The following FGF10 variants were observed in gnomAD, a reference collection of about 807,000 sequenced individuals.
FGF10 encodes FGF-10.
FGF10 carries 2 observed loss-of-function variants against 19.8 expected under a neutral mutation model. That is an observed-to-expected ratio of 0.10 (90% CI 0.04 to 0.32). The LOEUF (loss-of-function observed/expected upper bound fraction) is 0.32. Among genes scored for constraint, FGF10 ranks in the 10% least tolerant of loss-of-function variants. The pLI is 1.00. For synonymous variants in FGF10, 112 were observed against 94.0 expected, an observed-to-expected ratio of 1.19 and a Z score of -1.10; for missense variants, 191 against 246.3, an observed-to-expected ratio of 0.78 and a Z score of 1.50.
intron 1 of FGF10, among the ~76,000 whole-genome samples, chr5:44,363,824 C>G (rs1741545008): frequency 6.6e-6 from 1 of 151,886 alleles, no homozygotes; most frequent in Admixed American, 6.6e-5. Context: ...ATTTCATATA[C>G]ACTTTTGGTC....
chr5:44,381,873 A>C (rs1216821882), intron 1 of FGF10, among the ~76,000 whole-genome samples: 1 of 152,178 alleles, frequency 6.6e-6, no homozygotes, highest in East Asian at 1.9e-4. Flanking sequence ...TTGTGGTGCA[A>C]TTATTAGGTT....
intron 1 of FGF10, among the ~76,000 whole-genome samples, chr5:44,314,450 A>G (rs1471973024): frequency 6.6e-6 from 1 of 152,148 alleles, no homozygotes; most frequent in African/African-American, 2.4e-5. Context: ...TAAAAAATAA[A>G]GTTTGATAGT....
intron 1 of FGF10, among the ~76,000 whole-genome samples, chr5:44,346,990 A>G (rs1323268275): frequency 6.6e-6 from 1 of 151,856 alleles, no homozygotes; most frequent in Non-Finnish European, 1.5e-5. Context: ...ATGAATTAAT[A>G]TGCTTTTGAA....
At chr5:44,361,183 A>T (rs1441782818) in intron 1 of FGF10, among the ~76,000 whole-genome samples, 1 of 151,698 alleles carries the variant, frequency 6.6e-6, no homozygotes, top group Admixed American at 6.6e-5. Flanking sequence ...GAATGATGAC[A>T]ATCAGAGGGT....
At chr5:44,378,638 A>C (rs1243029567) in intron 1 of FGF10, among the ~76,000 whole-genome samples, 1 of 152,110 alleles carries the variant, frequency 6.6e-6, no homozygotes, top group African/African-American at 2.4e-5. Flanking sequence ...TCACCGTGTT[A>C]GCCAGGATGG....
At position 44,335,405 on chromosome 5, in the gene FGF10, G is replaced by A. The variant is rs557123388; in HGVS notation, c.326-24875C>T. Among the ~76,000 whole-genome samples the A allele has an allele frequency of 1.1e-4, 16 of 151,960 alleles. No individual in the cohort carries two copies. In the South Asian group the frequency reaches 3.1e-3, roughly 30 times the overall value. ...TTATAGCTAGTGTTCTACTTAGTATGTATCTTAGTATAAAACAAAAAACAT... is the reference window on the plus strand; with the variant it reads ...TTATAGCTAGTGTTCTACTTAGTATATATCTTAGTATAAAACAAAAAACAT... On this transcript the variant is annotated intron_variant, in intron 1 of 2. Coordinates refer to ENST00000264664, the MANE Select transcript of FGF10 (RefSeq NM_004465.2).
Position 44,388,565 on chromosome 5 carries a change from G to A in FGF10, c.118C>T (p.Leu40Phe), listed in dbSNP as rs146669375. ...TCTGGTGACACCATGTCCTGACCAA[G>A]GGCTTGGCAGGTGACAGGGACGGAA... is the stretch of plus-strand genomic sequence containing the variant. ...VSSVPVTCQA[L>F]GQDMVSPEAT... The change falls in exon 1 of 3, where the codon CTT becomes TTT. Residue 40 changes from leucine to phenylalanine, a missense_variant. Leu to Phe is a conservative substitution (Grantham distance 22). Transcript: ENST00000264664. 1.9e-6 allele frequency: 3 copies of A among 1,614,058 alleles called. No homozygotes were observed. Among genetic ancestry groups the A allele is most frequent in the African/African-American group, 1.3e-5 (1 of 74,922 alleles).
intron 1 of FGF10, among the ~76,000 whole-genome samples, chr5:44,364,273 G>A (rs994230247): frequency 6.6e-6 from 1 of 151,766 alleles, no homozygotes; most frequent in Admixed American, 6.6e-5. Flanking sequence ...GAGGTGACAG[G>A]CATTGTCATA....
At chr5:44,310,385 G>C (rs1264527047) in intron 2 of FGF10, 42 bp downstream of exon 2, 19 of 1,357,434 alleles carry the variant, frequency 1.4e-5, no homozygotes, top group Non-Finnish European at 1.9e-5. Flanking sequence ...CTATGGTAAT[G>C]GTTTACTGGA....
At chr5:44,313,447 G>A (rs991735100) in intron 1 of FGF10, among the ~76,000 whole-genome samples, 2 of 152,116 alleles carry the variant, frequency 1.3e-5, no homozygotes, top group South Asian at 4.1e-4. Context: ...AGTTCTATAT[G>A]TGTATATTTT....
intron 1 of FGF10, among the ~76,000 whole-genome samples, chr5:44,332,078 C>T (rs960037894): frequency 6.6e-6 from 1 of 152,080 alleles, no homozygotes; most frequent in African/African-American, 2.4e-5. Flanking sequence ...CAAGTATGAA[C>T]CCCAGTTTTC....
rs568491926 is a variant in FGF10, at chr5:44,345,628, C to T, written c.326-35098G>A. Among the ~76,000 whole-genome samples, 181 of 92,410 alleles carry T rather than the reference C, an allele frequency of 2.0e-3. 4 individuals are homozygous for T. The highest frequency in any genetic ancestry group is 5.2e-4 in the Non-Finnish European group (23 of 44,428). 60.6% of individuals were successfully genotyped at this position (92,410 alleles called of 152,430 possible). ...TTGTTTCACTGTTCATTCCCTTTCT[C>T]AGCTCAAAAAAAAAAAAAAAAAATC... On this transcript the variant is annotated intron_variant, in intron 1 of 2. Coordinates refer to ENST00000264664, the MANE Select transcript of FGF10 (RefSeq NM_004465.2).
chr5:44,303,789 C>G lies in FGF10; in HGVS notation c.*1206G>C, dbSNP rs1438779277. Reference sequence around the variant, plus strand: ...ATATATTTGATTTGCTCAGTTTAAGCCCCTGGGAGAGTTGCGCTTCATACC... The same window carrying G: ...ATATATTTGATTTGCTCAGTTTAAGGCCCTGGGAGAGTTGCGCTTCATACC... On this transcript the variant is annotated 3_prime_UTR_variant, in exon 3 of 3. Transcript: ENST00000264664. 1 of 152,098 alleles carries G rather than the reference C, an allele frequency of 6.6e-6. No homozygotes were observed. The highest frequency in any genetic ancestry group is 2.4e-5 in the African/African-American group (1 of 41,408). The allele number at this position is 152,098 out of a possible 1,614,324, so 9.4% of individuals were successfully genotyped here.
chr5:44,365,850 C>T (rs1741596805), intron 1 of FGF10, among the ~76,000 whole-genome samples: 1 of 151,940 alleles, frequency 6.6e-6, no homozygotes, highest in African/African-American at 2.4e-5. Flanking sequence ...CAATAAGAGT[C>T]AGAGAACATT....
Position 44,347,679 on chromosome 5 carries a change from A to G in FGF10, c.326-37149T>C, listed in dbSNP as rs1741118573. Among the ~76,000 whole-genome samples the G allele has an allele frequency of 1.3e-5, 2 of 151,646 alleles. 1 individual carries two copies. Among genetic ancestry groups the G allele is most frequent in the South Asian group, 4.1e-4 (2 of 4,826 alleles). ...AAATCATACAGGACAGCATGGACTG[A>G]CCTACTTTGCAATTTTAGCACAGAG... On this transcript the variant is annotated intron_variant, in intron 1 of 2. Coordinates refer to ENST00000264664, the MANE Select transcript of FGF10 (RefSeq NM_004465.2).
intron 1 of FGF10, among the ~76,000 whole-genome samples, chr5:44,339,908 C>T (rs1196770792): frequency 2.0e-5 from 3 of 152,094 alleles, no homozygotes; most frequent in East Asian, 3.9e-4. Flanking sequence ...GAACTTTGCT[C>T]ATTTCTCTTG....
intron 1 of FGF10, among the ~76,000 whole-genome samples, chr5:44,337,339 T>G (rs1288751631): frequency 6.6e-6 from 1 of 152,146 alleles, no homozygotes; most frequent in East Asian, 1.9e-4. Flanking sequence ...TCCCAGGAAT[T>G]CAAATGAAGT....
chr5:44,305,908 G>A (rs912858567), intron 2 of FGF10, among the ~76,000 whole-genome samples: 1 of 152,146 alleles, frequency 6.6e-6, no homozygotes, highest in Non-Finnish European at 1.5e-5. Context: ...GAATAGCAAT[G>A]CCTACATTGT....
intron 1 of FGF10, among the ~76,000 whole-genome samples, chr5:44,368,506 C>T (rs1741670458): frequency 2.0e-5 from 3 of 152,064 alleles, no homozygotes. Flanking sequence ...TCATCTCAGA[C>T]TAATTAGTTA....
Sources: gnomAD v4.1 joint callset for allele counts (sites outside exome capture counted in the v4.1 genomes callset) on GRCh38, gnomAD v4.1.1 for gene constraint, MANE v1.5 for transcripts, NCBI Gene and HGNC (gene_info 2026-07-23, HGNC 2026-07-21) for gene names.